Variants in ROCK2 observed in about 807,000 individuals in gnomAD.
ROCK2 encodes Rho associated coiled-coil containing protein kinase 2, also known as rho-associated protein kinase 2.
ROCK2 carries 61 observed loss-of-function variants against 195.1 expected under a neutral mutation model. The observed-to-expected ratio is 0.31, with a 90% CI of 0.25 to 0.39. The LOEUF is 0.39. Ranked by LOEUF, ROCK2 falls within the 10% of genes least tolerant of loss-of-function variation. ROCK2 has a pLI of 1.00. For missense variants in ROCK2, 1,109 were observed against 1,637.4 expected, an observed-to-expected ratio of 0.68 and a Z score of 5.57; for synonymous variants, 504 against 545.5, an observed-to-expected ratio of 0.92 and a Z score of 1.06.
At chr2:11,281,580 T>A (rs1443146313) in intron 3 of ROCK2, among the ~76,000 whole-genome samples, 4 of 152,184 alleles carry the variant, frequency 2.6e-5, no homozygotes, top group Non-Finnish European at 4.4e-5. Flanking sequence ...AAGTGGAATT[T>A]GAAATTAAAT....
At chr2:11,241,449 GC>G (rs941426408) in intron 4 of ROCK2, among the ~76,000 whole-genome samples, 1 of 152,060 alleles carries the variant, frequency 6.6e-6, no homozygotes, top group Admixed American at 6.6e-5. Context: ...AGAGATAATG[GC>G]CTAACTACCT....
chr2:11,290,754 G>T (rs186734098), intron 1 of ROCK2, among the ~76,000 whole-genome samples: 13 of 150,732 alleles, frequency 8.6e-5, no homozygotes, highest in African/African-American at 3.2e-4. Context: ...ATGAGGTGAG[G>T]AGTTAAAACC....
At chr2:11,269,181 T>C (rs2148161672) in intron 3 of ROCK2, among the ~76,000 whole-genome samples, 1 of 152,358 alleles carries the variant, frequency 6.6e-6, no homozygotes, top group South Asian at 2.1e-4. Context: ...TACATCTTCC[T>C]TTAGTTCTTT....
intron 1 of ROCK2, among the ~76,000 whole-genome samples, chr2:11,288,644 T>A (rs1667270857): frequency 6.9e-6 from 1 of 144,390 alleles, no homozygotes; most frequent in African/African-American, 2.4e-5. Flanking sequence ...GACACCCTGC[T>A]AAAAGAAACA....
At position 11,268,466 on chromosome 2, in the gene ROCK2, C is replaced by CTG. The variant is rs938238447; in HGVS notation, c.324+18071_324+18072dup. 5.2e-5 allele frequency among the ~76,000 whole-genome samples: 6 copies of CTG among 114,440 alleles called. No homozygotes were observed. In the East Asian group the frequency reaches 1.5e-3, roughly 28 times the overall value. 75.1% of individuals were successfully genotyped at this position (114,440 alleles called of 152,430 possible). The stretch of plus-strand genomic sequence containing the variant: ...CAGCCCTCCGGATGTAACAGTTTTA[C>CTG]TGTGTGTGTGTGTTTTTTTCCTTGT... On this transcript the variant is annotated intron_variant, in intron 3 of 32. Coordinates refer to ENST00000315872, the MANE Select transcript of ROCK2 (RefSeq NM_004850.5).
intron 3 of ROCK2, among the ~76,000 whole-genome samples, chr2:11,279,181 T>C (rs1383534662): frequency 2.0e-5 from 3 of 152,134 alleles, no homozygotes; most frequent in South Asian, 2.1e-4. Flanking sequence ...TTAATTCAGC[T>C]ATATCAACAA....
upstream of ROCK2, chr2:11,344,657 C>T (rs1046328237): frequency 1.8e-5 from 3 of 164,854 alleles, no homozygotes; most frequent in African/African-American, 7.3e-5. This position sits in a 1 kb window ranked among gnomAD's most constrained non-coding sequence, Gnocchi z 5.4. Flanking sequence ...GCCGCCGCTA[C>T]CCACAAGCCC....
At position 11,309,753 on chromosome 2, in the gene ROCK2, G is replaced by A. The variant is rs58964813; in HGVS notation, c.142-22017C>T. Among the ~76,000 whole-genome samples the A allele has an allele frequency of 4.4e-3, 670 of 152,318 alleles. 5 individuals carry two copies. The highest frequency in any genetic ancestry group is 0.015 in the African/African-American group (625 of 41,570). On this transcript the variant is annotated intron_variant, in intron 1 of 32. Coordinates refer to ENST00000315872, the MANE Select transcript of ROCK2 (RefSeq NM_004850.5). ...CCAGCACTTTGGGAAGCTAAGGCAG[G>A]AAGACCACTTGAGCTCAGGAGTTTG...
At chr2:11,216,289 T>C (rs2148067593) in intron 12 of ROCK2, 83 bp from the exon 13 acceptor site, 1 of 1,011,042 alleles carries the variant, frequency 9.9e-7, no homozygotes, top group East Asian at 2.6e-5. Context: ...AATTACATAA[T>C]TACTTGGTAG....
chr2:11,214,455 A>G lies in ROCK2; in HGVS notation c.1945T>C (p.Cys649Arg), dbSNP rs1664356552. The change falls in exon 17 of 33, where the codon TGT (cysteine) becomes CGT (arginine). Residue 649 changes from cysteine to arginine, a missense_variant. Cys to Arg is a radical substitution (Grantham distance 180, BLOSUM62 -3). Coordinates refer to ENST00000315872, the MANE Select transcript of ROCK2 (RefSeq NM_004850.5). ...TTCTTTAAATCTTCTTCTAGGCCAC[A>G]TATTCTACCTAAAAATTGCAACGTT... ...EIINDLQGRI[C>R]GLEEDLKNGK... is the part of the protein sequence containing the mutation. 5 of 1,593,644 alleles carry G rather than the reference A, an allele frequency of 3.1e-6. No homozygotes were observed. The highest frequency in any genetic ancestry group is 2.6e-6 in the Non-Finnish European group (3 of 1,165,498).
chr2:11,318,814 C>T (rs1668310898), intron 1 of ROCK2, among the ~76,000 whole-genome samples: 1 of 152,180 alleles, frequency 6.6e-6, no homozygotes, highest in African/African-American at 2.4e-5. Context: ...TTTCAGCTTT[C>T]TACATATGGC....
intron 3 of ROCK2, among the ~76,000 whole-genome samples, chr2:11,286,153 C>T (rs551533814): frequency 4.1e-5 from 6 of 145,908 alleles, no homozygotes; most frequent in South Asian, 4.5e-4. Flanking sequence ...GTATGGCCTG[C>T]GAAAATAAAT....
intron 1 of ROCK2, among the ~76,000 whole-genome samples, chr2:11,325,303 A>G (rs1043181579): frequency 1.2e-4 from 19 of 152,236 alleles, no homozygotes; most frequent in South Asian, 2.1e-4. Flanking sequence ...TGGTATCCAC[A>G]GGGGTCTTGG....
intron 4 of ROCK2, among the ~76,000 whole-genome samples, chr2:11,241,354 C>G (rs753836635): frequency 1.4e-4 from 21 of 152,070 alleles, no homozygotes; most frequent in Non-Finnish European, 2.8e-4. Flanking sequence ...GGGACAACAT[C>G]AAGCAGATTA....
intron 1 of ROCK2, among the ~76,000 whole-genome samples, chr2:11,311,010 T>A (rs1276772684): frequency 6.6e-6 from 1 of 151,586 alleles, no homozygotes; most frequent in African/African-American, 2.4e-5. Flanking sequence ...ACCAGTAATA[T>A]AGATGACATT....
Position 11,195,219 on chromosome 2 carries a change from A to T in ROCK2, c.3449-194T>A, listed in dbSNP as rs924064150. On this transcript the variant is annotated intron_variant, in intron 27 of 32. Transcript: ENST00000315872. The stretch of plus-strand genomic sequence containing the variant: ...AGTTATGCAATGCAAAACAAAATCC[A>T]GGTTATATCATATTGGAAACAGATA... 1.2e-5 allele frequency: 4 copies of T among 346,604 alleles called. No homozygotes were observed. The Admixed American group carries it at 1.9e-4, about 16-fold the overall frequency. The allele number at this position is 346,604 out of a possible 1,614,324, so 21.5% of individuals were successfully genotyped here.
rs115132280 is a variant in ROCK2, at chr2:11,220,638, C to T, written c.1259+560G>A. Among the ~76,000 whole-genome samples the T allele has an allele frequency of 4.2e-3, 646 of 152,288 alleles. 1 individual carries two copies. The highest frequency in any genetic ancestry group is 7.1e-3 in the Non-Finnish European group (484 of 68,028). The stretch of plus-strand genomic sequence containing the variant: ...TGTTTGAGTGCTACTGGACTCAATG[C>T]GAGTGCTCTGCTCCCAATGTATGCT... On this transcript the variant is annotated intron_variant, in intron 9 of 32. Transcript: ENST00000315872.
rs752611113 is a variant in ROCK2 at position 11,194,356 on chromosome 2, G to A, written c.3520-12C>T. 2 of 1,199,530 alleles carry A rather than the reference G, an allele frequency of 1.7e-6. No homozygotes were observed. The highest frequency in any genetic ancestry group is 2.3e-6 in the Non-Finnish European group (2 of 876,282). 74.3% of individuals were successfully genotyped at this position (1,199,530 alleles called of 1,614,324 possible). Reference sequence around the variant, plus strand: ...CTTACAATCACATACTGTTAAAACAGGGAGAAAAGAAATCAGTAATTCAAG... The same window carrying A: ...CTTACAATCACATACTGTTAAAACAAGGAGAAAAGAAATCAGTAATTCAAG... On this transcript the variant is annotated splice_polypyrimidine_tract_variant and intron_variant, in intron 28 of 32. Coordinates refer to ENST00000315872, the MANE Select transcript of ROCK2 (RefSeq NM_004850.5).
At chr2:11,244,013 T>C (rs1329159793) in intron 4 of ROCK2, among the ~76,000 whole-genome samples, 1 of 152,158 alleles carries the variant, frequency 6.6e-6, no homozygotes, top group East Asian at 1.9e-4. Flanking sequence ...TGAAAGGACA[T>C]TTTCACAGAT....
Sources: allele counts gnomAD v4.1 joint callset (sites outside exome capture counted in the v4.1 genomes callset), GRCh38; gene constraint gnomAD v4.1.1; non-coding constraint Gnocchi (gnomAD v3.1); transcripts MANE v1.5; gene names NCBI Gene and HGNC (gene_info 2026-07-23, HGNC 2026-07-21).